TMEM132B: variants seen among roughly 807,000 people sequenced by gnomAD.
TMEM132B encodes the protein transmembrane protein 132B.
TMEM132B carries 18 observed loss-of-function variants against 90.8 expected under a neutral mutation model. The ratio of observed to expected loss-of-function variants is 0.20; its 90% CI spans 0.14 to 0.29. The LOEUF is 0.29. TMEM132B is among the 10% of genes least tolerant of loss of function. The pLI is 1.00. For synonymous variants in TMEM132B, 504 were observed against 523.3 expected (o/e 0.96, Z 0.50); for missense variants, 1,096 against 1,326.8 (o/e 0.83, Z 2.70).
At chr12:125,580,705 TA>T (rs1370689774) in intron 4 of TMEM132B, among the ~76,000 whole-genome samples, 1 of 152,148 alleles carries the variant, frequency 6.6e-6, no homozygotes, top group African/African-American at 2.4e-5. Context: ...TTTCCAGAGT[TA>T]AAAAAGTTGA....
At chr12:125,638,883 A>G (rs1403331626) in intron 5 of TMEM132B, among the ~76,000 whole-genome samples, 1 of 152,252 alleles carries the variant, frequency 6.6e-6, no homozygotes, top group Non-Finnish European at 1.5e-5. Flanking sequence ...GCAAAAGTGT[A>G]ATTTGACAGT....
At chr12:125,334,702 C>A (rs1041165348) in intron 1 of TMEM132B, among the ~76,000 whole-genome samples, 1 of 152,178 alleles carries the variant, frequency 6.6e-6, no homozygotes, top group African/African-American at 2.4e-5. Context: ...TCACTGGGAC[C>A]ATGATGCTTA....
At chr12:125,479,985 G>A (rs571224095) in intron 3 of TMEM132B, among the ~76,000 whole-genome samples, 22 of 152,292 alleles carry the variant, frequency 1.4e-4, no homozygotes, top group African/African-American at 5.3e-4. Flanking sequence ...CATGGAAACT[G>A]AACAACCTGC....
At chr12:125,504,502 G>T (rs548732624) in intron 3 of TMEM132B, among the ~76,000 whole-genome samples, 1 of 152,176 alleles carries the variant, frequency 6.6e-6, no homozygotes, top group South Asian at 2.1e-4. Context: ...GTTGTCATTT[G>T]TGATACTCCT....
At position 125,492,198 on chromosome 12, in the gene TMEM132B, G is replaced by A. The variant is rs892230005; in HGVS notation, c.1107-27241G>A. 1.5e-4 allele frequency among the ~76,000 whole-genome samples: 23 copies of A among 152,166 alleles called. No individual in the cohort carries two copies. The highest frequency in any genetic ancestry group is 5.9e-4 in the Admixed American group (9 of 15,286). On this transcript the variant is annotated intron_variant, in intron 3 of 8. Coordinates refer to ENST00000682704, the MANE Select transcript of TMEM132B (RefSeq NM_001366854.1). This position sits in a 1 kb window ranked among gnomAD's most constrained non-coding sequence, Gnocchi z 5.8. ...CCTTGCAGAAATGGGGTACTGGGGC[G>A]CATAAGGGGCTCGCTGGCCACTTGT...
At chr12:125,372,091 AT>A (rs1878310206) in intron 2 of TMEM132B, among the ~76,000 whole-genome samples, 1 of 152,220 alleles carries the variant, frequency 6.6e-6, no homozygotes, top group Non-Finnish European at 1.5e-5. Flanking sequence ...TGTGGTCTAA[AT>A]CCACAACACT....
rs4765039 is a variant in TMEM132B at position 125,302,546 on chromosome 12, A to G, written c.68-46906A>G. On this transcript the variant is annotated intron_variant, in intron 1 of 8. Coordinates refer to ENST00000682704, the MANE Select transcript of TMEM132B (RefSeq NM_001366854.1). ...GATAGCCAGTACAGACACACAATCT[A>G]TAACTGGCAGAGCTGGATTTGAACC... Among the ~76,000 whole-genome samples the G allele has an allele frequency of 9.6e-3, 1,462 of 152,254 alleles. 33 individuals are homozygous for G. The highest frequency in any genetic ancestry group is 0.076 in the South Asian group (364 of 4,814).
chr12:125,247,411 A>G (rs1385556976), intron 1 of TMEM132B, among the ~76,000 whole-genome samples: 1 of 152,166 alleles, frequency 6.6e-6, no homozygotes, highest in Non-Finnish European at 1.5e-5. Context: ...GATTCTGCCT[A>G]TTCACAGATG....
At position 125,296,283 on chromosome 12, in the gene TMEM132B, C is replaced by T. The variant is rs145896024; in HGVS notation, c.68-53169C>T. On this transcript the variant is annotated intron_variant, in intron 1 of 8. Coordinates refer to ENST00000682704, the MANE Select transcript of TMEM132B (RefSeq NM_001366854.1). ...TCTCCTCACTTTTCTTCCCACCCAC[C>T]GGGCACCTCCCACCTCCGGGCTTTT... 2.2e-4 allele frequency among the ~76,000 whole-genome samples: 33 copies of T among 152,340 alleles called. No individual in the cohort carries two copies. In the East Asian group the frequency reaches 5.2e-3, roughly 24 times the overall value.
rs573400580 is a variant in TMEM132B at position 125,592,537 on chromosome 12, GA to G, written c.1437+8553del. Among the ~76,000 whole-genome samples, 20 of 148,622 alleles carry G rather than the reference GA, an allele frequency of 1.3e-4. No homozygotes were observed. The South Asian group carries it at 1.7e-3, about 13-fold the overall frequency. ...GGGTAAGGTAAGGCAGTGGATGTCA[GA>G]AAAAAAAAACTAAAGTTTTTGCTGT... On this transcript the variant is annotated intron_variant, in intron 5 of 8. Coordinates refer to ENST00000682704, the MANE Select transcript of TMEM132B (RefSeq NM_001366854.1).
intron 3 of TMEM132B, among the ~76,000 whole-genome samples, chr12:125,506,444 G>A (rs1175981941): frequency 6.6e-6 from 1 of 152,100 alleles, no homozygotes; most frequent in South Asian, 2.1e-4. Flanking sequence ...TGAGTGTGGT[G>A]ATAGTTACAT....
intron 1 of TMEM132B, among the ~76,000 whole-genome samples, chr12:125,201,398 A>G (rs1873058206): frequency 6.6e-6 from 1 of 152,236 alleles, no homozygotes; most frequent in Non-Finnish European, 1.5e-5. Flanking sequence ...CTTGTCCTTC[A>G]AGTTTTCCTT....
intron 1 of TMEM132B, among the ~76,000 whole-genome samples, chr12:125,314,929 G>C (rs989471380): frequency 6.6e-6 from 1 of 152,228 alleles, no homozygotes; most frequent in African/African-American, 2.4e-5. Context: ...GGAGAGGGGA[G>C]TCTGGGGGCA....
chr12:125,376,736 A>G (rs73424761), intron 2 of TMEM132B, among the ~76,000 whole-genome samples: 9,842 of 152,304 alleles, frequency 0.065, 989 homozygotes, highest in African/African-American at 0.22. Context: ...AGGCCGCCCT[A>G]TGAAGCCCAC....
intron 3 of TMEM132B, among the ~76,000 whole-genome samples, chr12:125,443,526 G>A (rs976672782): frequency 6.6e-6 from 1 of 152,280 alleles, no homozygotes; most frequent in South Asian, 2.1e-4. Context: ...TGGGATGCCT[G>A]CTGGGAAGAA....
At chr12:125,449,383 T>C (rs1881090909) in intron 3 of TMEM132B, among the ~76,000 whole-genome samples, 1 of 152,236 alleles carries the variant, frequency 6.6e-6, no homozygotes, top group Non-Finnish European at 1.5e-5. Flanking sequence ...AAATTGCTTA[T>C]AACATTCTCT....
rs1241378368 is a variant in TMEM132B, at chr12:125,657,190, C to A, written c.*2480C>A. On this transcript the variant is annotated 3_prime_UTR_variant, in exon 9 of 9. Transcript: ENST00000682704. ...CAACTTAGAGTCACTGGGAGTCACA[C>A]AGCTCCTGTGTAGCCGCCTTTGCTC... 1 of 152,222 alleles carries A rather than the reference C, an allele frequency of 6.6e-6. No homozygotes were observed. Among genetic ancestry groups the A allele is most frequent in the Admixed American group, 6.5e-5 (1 of 15,272 alleles). The allele number at this position is 152,222 out of a possible 1,614,324, so 9.4% of individuals were successfully genotyped here. A position where few individuals can be genotyped will look rare whatever the true frequency, so the allele number is the denominator to read the frequency against.
At chr12:125,195,491 C>T (rs943978057) in intron 1 of TMEM132B, among the ~76,000 whole-genome samples, 19 of 150,490 alleles carry the variant, frequency 1.3e-4, no homozygotes, top group African/African-American at 4.4e-4. Context: ...CTCTGCCTCC[C>T]GGGTTCAAGT....
intron 4 of TMEM132B, among the ~76,000 whole-genome samples, chr12:125,570,568 G>C (rs1221717015): frequency 6.6e-6 from 1 of 152,100 alleles, no homozygotes; most frequent in Non-Finnish European, 1.5e-5. Flanking sequence ...TTTTCTTTGT[G>C]TTATTCAGAG....
Sources: allele counts gnomAD v4.1 joint callset (sites outside exome capture counted in the v4.1 genomes callset), GRCh38; gene constraint gnomAD v4.1.1; non-coding constraint Gnocchi (gnomAD v3.1); transcripts MANE v1.5; gene names NCBI Gene and HGNC (gene_info 2026-07-23, HGNC 2026-07-21).